TMEM132C: variants seen among roughly 807,000 people sequenced by gnomAD.
TMEM132C encodes the protein protein phosphatase 1, regulatory subunit 152.
In TMEM132C, 29 loss-of-function variants were observed where a neutral mutation model predicts 61.4. The observed-to-expected ratio is 0.47, with a 90% CI of 0.35 to 0.64. The LOEUF (loss-of-function observed/expected upper bound fraction) is 0.64, where lower values mean the gene tolerates loss of function less well. Among genes scored for constraint, TMEM132C ranks in the 30% least tolerant of loss-of-function variants. The probability of loss-of-function intolerance (pLI) is 0.00; values close to 1 mark genes in which losing one functional copy is unlikely to be tolerated. For missense variants in TMEM132C, 1,408 were observed against 1,476.9 expected, an observed-to-expected ratio of 0.95 and a Z score of 0.76; for synonymous variants, 656 against 633.1, an observed-to-expected ratio of 1.04 and a Z score of -0.54.
chr12:128,620,556 CAAAG>C (rs1356590940), intron 4 of TMEM132C, among the ~76,000 whole-genome samples: 1 of 152,150 alleles, frequency 6.6e-6, no homozygotes, highest in African/African-American at 2.4e-5. Context: ...AAACAAAAAA[CAAAG>C]AAACTAAATT....
intron 5 of TMEM132C, among the ~76,000 whole-genome samples, chr12:128,672,613 T>C (rs376876392): frequency 2.0e-5 from 3 of 152,296 alleles, no homozygotes; most frequent in South Asian, 4.2e-4. Context: ...ATGTGAAATC[T>C]TGAGTCAGCA....
chr12:128,420,946 G>A (rs1490149148), intron 2 of TMEM132C, among the ~76,000 whole-genome samples: 1 of 152,154 alleles, frequency 6.6e-6, no homozygotes, highest in African/African-American at 2.4e-5. Flanking sequence ...CACAGATGTG[G>A]GAATAACAGT....
At chr12:128,297,203 A>G (rs1871440943) in intron 1 of TMEM132C, among the ~76,000 whole-genome samples, 1 of 152,200 alleles carries the variant, frequency 6.6e-6, no homozygotes, top group Admixed American at 6.5e-5. Context: ...CAAATAGAAT[A>G]AATAACTGCA....
intron 2 of TMEM132C, among the ~76,000 whole-genome samples, chr12:128,475,322 A>T (rs1213499132): frequency 1.3e-5 from 2 of 152,210 alleles, no homozygotes; most frequent in African/African-American, 4.8e-5. Context: ...CCATTTATAC[A>T]TAATTTCATT....
chr12:128,672,566 G>T (rs1303967348), intron 5 of TMEM132C, among the ~76,000 whole-genome samples: 3 of 152,200 alleles, frequency 2.0e-5, no homozygotes, highest in Non-Finnish European at 4.4e-5. Context: ...CTCCTGAAAT[G>T]AATCCAGAGT....
intron 1 of TMEM132C, among the ~76,000 whole-genome samples, chr12:128,329,947 G>T (rs1312970497): frequency 1.3e-5 from 2 of 152,236 alleles, no homozygotes; most frequent in African/African-American, 4.8e-5. Flanking sequence ...CAGCCTCGGT[G>T]CTAGATGCCT....
chr12:128,449,053 C>T (rs999092053), intron 2 of TMEM132C, among the ~76,000 whole-genome samples: 2 of 138,242 alleles, frequency 1.4e-5, no homozygotes, highest in Non-Finnish European at 1.5e-5. Context: ...AGGAGAACGG[C>T]GTGAACCCGG....
intron 1 of TMEM132C, among the ~76,000 whole-genome samples, chr12:128,337,862 G>C (rs1280927542): frequency 6.6e-6 from 1 of 152,286 alleles, no homozygotes; most frequent in Non-Finnish European, 1.5e-5. Flanking sequence ...TCTGGAAATG[G>C]ATGTACTAAC....
intron 2 of TMEM132C, among the ~76,000 whole-genome samples, chr12:128,516,400 G>A (rs1225327536): frequency 6.6e-6 from 1 of 152,166 alleles, no homozygotes; most frequent in Non-Finnish European, 1.5e-5. Flanking sequence ...CACGTCCGAG[G>A]CGTTCCATAG....
intron 1 of TMEM132C, among the ~76,000 whole-genome samples, chr12:128,303,288 T>G (rs1208239025): frequency 6.6e-6 from 1 of 152,226 alleles, no homozygotes; most frequent in Non-Finnish European, 1.5e-5. Flanking sequence ...GTCCAAATTT[T>G]AGTGTCTTCA....
intron 2 of TMEM132C, among the ~76,000 whole-genome samples, chr12:128,470,099 A>G (rs952003616): frequency 1.3e-5 from 2 of 152,164 alleles, no homozygotes; most frequent in Non-Finnish European, 2.9e-5. Flanking sequence ...AACACCACTG[A>G]TTTGAAGTTT....
rs138900410 is a variant in TMEM132C, at chr12:128,531,282, G to GCCCCC, written c.975-12675_975-12674insCCCCC. ...GATAGGGAAGTTTTCATTTGATAGG[G>GCCCCC]AAGATCAAAGTAAATGGTAAAAGGC... On this transcript the variant is annotated intron_variant, in intron 2 of 8. Transcript: ENST00000435159. Among the ~76,000 whole-genome samples the GCCCCC allele has an allele frequency of 2.2e-3, 337 of 152,156 alleles. 2 individuals carry two copies. The highest frequency in any genetic ancestry group is 3.2e-3 in the Non-Finnish European group (221 of 68,006).
At chr12:128,596,434 C>T (rs1875953852) in intron 3 of TMEM132C, among the ~76,000 whole-genome samples, 1 of 150,056 alleles carries the variant, frequency 6.7e-6, no homozygotes, top group Non-Finnish European at 1.5e-5. Flanking sequence ...GCCCCTTTCG[C>T]AGGTCTTGGT....
chr12:128,426,461 C>T (rs1390878278), intron 2 of TMEM132C, among the ~76,000 whole-genome samples: 1 of 152,194 alleles, frequency 6.6e-6, no homozygotes, highest in Non-Finnish European at 1.5e-5. Context: ...GACCCTAAAA[C>T]ACGACCAAGT....
intron 1 of TMEM132C, among the ~76,000 whole-genome samples, chr12:128,283,545 T>C (rs955730452): frequency 3.3e-5 from 5 of 152,060 alleles, no homozygotes; most frequent in Non-Finnish European, 4.4e-5. Context: ...TCTCTCTCTC[T>C]CCCTCTGTCT....
At chr12:128,418,118 A>G (rs1380950624) in intron 2 of TMEM132C, among the ~76,000 whole-genome samples, 1 of 152,140 alleles carries the variant, frequency 6.6e-6, no homozygotes, top group Non-Finnish European at 1.5e-5. Context: ...ATATTTCCTT[A>G]CTTCAGATTT....
chr12:128,508,847 C>CCATAT (rs1015394839), intron 2 of TMEM132C, among the ~76,000 whole-genome samples: 1 of 152,176 alleles, frequency 6.6e-6, no homozygotes, highest in Non-Finnish European at 1.5e-5. Flanking sequence ...TCATATCATA[C>CCATAT]CATATCATAT....
At chr12:128,316,997 T>C (rs945659546) in intron 1 of TMEM132C, among the ~76,000 whole-genome samples, 2 of 152,236 alleles carry the variant, frequency 1.3e-5, no homozygotes, top group Non-Finnish European at 2.9e-5. Flanking sequence ...CACCCTTATG[T>C]ACTTTAGAAT....
intron 1 of TMEM132C, among the ~76,000 whole-genome samples, chr12:128,282,244 T>C (rs547026322): frequency 1.3e-5 from 2 of 152,360 alleles, no homozygotes; most frequent in South Asian, 2.1e-4. Flanking sequence ...GAATTACCAC[T>C]GCTGCATTAT....
Sources: gnomAD v4.1 joint callset for allele counts (sites outside exome capture counted in the v4.1 genomes callset) on GRCh38, gnomAD v4.1.1 for gene constraint, MANE v1.5 for transcripts, NCBI Gene and HGNC (gene_info 2026-07-23, HGNC 2026-07-21) for gene names.